The following CYTH3 variants were observed in gnomAD, a reference collection of about 807,000 sequenced individuals.
CYTH3 encodes cytohesin 3, also known as cytohesin-3.
In CYTH3, 23 loss-of-function variants were observed where a neutral mutation model predicts 55.1. That is an observed-to-expected ratio of 0.42 (90% CI 0.30 to 0.59). The LOEUF (loss-of-function observed/expected upper bound fraction) is 0.59, where lower values mean the gene tolerates loss of function less well. Among genes scored for constraint, CYTH3 ranks in the 20% least tolerant of loss-of-function variants. The pLI is 0.20. For missense variants in CYTH3, 413 were observed against 524.8 expected, an observed-to-expected ratio of 0.79 and a Z score of 2.08; for synonymous variants, 249 against 194.9, an observed-to-expected ratio of 1.28 and a Z score of -2.31.
chr7:6,176,859 G>C (rs1192614076), intron 5 of CYTH3, among the ~76,000 whole-genome samples: 6 of 152,130 alleles, frequency 3.9e-5, no homozygotes. Context: ...GTTTTTTATA[G>C]GTACCCTCCA....
chr7:6,188,011 G>T (rs1783698155), intron 2 of CYTH3, among the ~76,000 whole-genome samples: 1 of 152,058 alleles, frequency 6.6e-6, no homozygotes, highest in Admixed American at 6.5e-5. Context: ...GCACACTGGG[G>T]GGGGAATATC....
chr7:6,238,256 C>T (rs1299103165), intron 1 of CYTH3, among the ~76,000 whole-genome samples: 2 of 152,094 alleles, frequency 1.3e-5, no homozygotes, highest in Non-Finnish European at 2.9e-5. Context: ...TCTTAGTATA[C>T]ATTTAATTCA....
chr7:6,187,656 C>T lies in CYTH3; in HGVS notation c.182+1G>A. 6.2e-7 allele frequency: 1 copy of T among 1,612,022 alleles called. No homozygotes were observed. Among genetic ancestry groups the T allele is most frequent in the Non-Finnish European group, 8.5e-7 (1 of 1,178,060 alleles). ...TTAAAGGTGTAGCCACAAATTGTTA[C>T]CTCTCCTCTACGGAAGTTAGATTGT... On this transcript the variant is annotated splice_donor_variant, in intron 3 of 12. Coordinates refer to ENST00000350796, the MANE Select transcript of CYTH3 (RefSeq NM_004227.4). LOFTEE classifies it high-confidence loss of function.
chr7:6,196,675 G>A (rs1583774045), intron 1 of CYTH3, among the ~76,000 whole-genome samples: 1 of 151,938 alleles, frequency 6.6e-6, no homozygotes, highest in Non-Finnish European at 1.5e-5. Context: ...TGGCCAGGCT[G>A]GTCTCAAACT....
At chr7:6,249,877 TACTTAAAATC>T (rs1779916655) in intron 1 of CYTH3, among the ~76,000 whole-genome samples, 1 of 152,240 alleles carries the variant, frequency 6.6e-6, no homozygotes, top group East Asian at 1.9e-4. Flanking sequence ...GTAGTGAGAA[TACTTAAAATC>T]ACTCTGCAAA....
intron 1 of CYTH3, among the ~76,000 whole-genome samples, chr7:6,194,363 G>A (rs1014626222): frequency 2.6e-5 from 4 of 152,176 alleles, no homozygotes. Context: ...TGAGGTGGGA[G>A]GATCGCTTGA....
chr7:6,168,687 G>A (rs1361515727), intron 9 of CYTH3, among the ~76,000 whole-genome samples: 1 of 152,214 alleles, frequency 6.6e-6, no homozygotes, highest in African/African-American at 2.4e-5. Context: ...TGAGCACTGT[G>A]TGCACTCATT....
At chr7:6,166,944 C>T (rs905314255) in intron 9 of CYTH3, among the ~76,000 whole-genome samples, 7 of 152,152 alleles carry the variant, frequency 4.6e-5, no homozygotes, top group African/African-American at 1.7e-4. Context: ...CTGTCTAGAC[C>T]CTGGTCTGGG....
rs967664504 is a variant in CYTH3 at position 6,251,450 on chromosome 7, G to A, written c.34+21024C>T. Among the ~76,000 whole-genome samples the A allele has an allele frequency of 3.9e-5, 6 of 151,992 alleles. No individual in the cohort carries two copies. The East Asian group carries it at 9.7e-4, about 25-fold the overall frequency. Reference sequence around the variant, plus strand: ...TCAGTGGGAGGCAGAAAATCAAAACGTGTGAGAAGCATGGAGACGGAACCC... The same window carrying A: ...TCAGTGGGAGGCAGAAAATCAAAACATGTGAGAAGCATGGAGACGGAACCC... On this transcript the variant is annotated intron_variant, in intron 1 of 12. Transcript: ENST00000350796.
rs767249184 is a variant in CYTH3 at position 6,170,654 on chromosome 7, G to A, written c.712-8C>T. ...AATGCTCTCATACAAATTCTGCAAG[G>A]AGGGAAAACAGCAGCCAGTTCAGAG... On this transcript the variant is annotated splice_polypyrimidine_tract_variant and splice_region_variant and intron_variant, in intron 8 of 12. Coordinates refer to ENST00000350796, the MANE Select transcript of CYTH3 (RefSeq NM_004227.4). This position sits in a 1 kb window ranked among gnomAD's most constrained non-coding sequence, Gnocchi z 7.8. The A allele has an allele frequency of 1.4e-5, 22 of 1,612,432 alleles. No homozygotes were observed. The Admixed American group carries it at 3.0e-4, about 22-fold the overall frequency.
chr7:6,179,736 C>T (rs1783442443), intron 4 of CYTH3, among the ~76,000 whole-genome samples: 1 of 111,202 alleles, frequency 9.0e-6, no homozygotes, highest in African/African-American at 3.8e-5. Context: ...CACACACACC[C>T]ACCACACACA....
At chr7:6,257,696 G>A (rs1236856191) in intron 1 of CYTH3, among the ~76,000 whole-genome samples, 3 of 152,196 alleles carry the variant, frequency 2.0e-5, no homozygotes, top group East Asian at 1.9e-4. Context: ...ACTCTATGGC[G>A]AGGAGATCCT....
intron 1 of CYTH3, among the ~76,000 whole-genome samples, chr7:6,260,729 T>C (rs1780332820): frequency 6.6e-6 from 1 of 152,206 alleles, no homozygotes; most frequent in Admixed American, 6.5e-5. Context: ...TAGGCCTCAC[T>C]GGTTACCCTC....
intron 1 of CYTH3, among the ~76,000 whole-genome samples, chr7:6,200,651 T>C (rs867611944): frequency 6.6e-6 from 1 of 152,234 alleles, no homozygotes; most frequent in South Asian, 2.1e-4. Flanking sequence ...AGCATGGGCT[T>C]TGAGCACTAG....
At chr7:6,247,490 G>C (rs1429665270) in intron 1 of CYTH3, among the ~76,000 whole-genome samples, 2 of 151,748 alleles carry the variant, frequency 1.3e-5, no homozygotes, top group Admixed American at 6.6e-5. Flanking sequence ...ATTTGTTTTG[G>C]TATCTTCTTT....
intron 1 of CYTH3, among the ~76,000 whole-genome samples, chr7:6,211,723 C>T (rs1784323374): frequency 6.6e-6 from 1 of 152,160 alleles, no homozygotes; most frequent in Non-Finnish European, 1.5e-5. Flanking sequence ...CTTGGCTGGG[C>T]ACGGTGGCTC....
At chr7:6,240,074 G>T (rs1779633771) in intron 1 of CYTH3, among the ~76,000 whole-genome samples, 1 of 152,184 alleles carries the variant, frequency 6.6e-6, no homozygotes, top group African/African-American at 2.4e-5. Context: ...GGGAGGCCAA[G>T]GCAGGTGGAT....
At position 6,169,873 on chromosome 7, in the gene CYTH3, TC is replaced by T. The variant is rs1197857728; in HGVS notation, c.823+661del. 6.6e-6 allele frequency among the ~76,000 whole-genome samples: 1 copy of T among 151,948 alleles called. No homozygotes were observed. Among genetic ancestry groups the T allele is most frequent in the East Asian group, 1.9e-4 (1 of 5,154 alleles). On this transcript the variant is annotated intron_variant, in intron 9 of 12. Transcript: ENST00000350796. The surrounding 1 kb of genome is among the most constrained non-coding windows in gnomAD (Gnocchi z 4.1). Reference sequence around the variant, plus strand: ...GGGGCAAGTTGGTTCCCACACAGCATCCCCATGTGCTCCAGGTCCCAGCCAC... The same window carrying T: ...GGGGCAAGTTGGTTCCCACACAGCATCCCATGTGCTCCAGGTCCCAGCCAC...
intron 1 of CYTH3, among the ~76,000 whole-genome samples, chr7:6,263,908 TGCA>T (rs2115065114): frequency 6.6e-6 from 1 of 152,254 alleles, no homozygotes; most frequent in Admixed American, 6.5e-5. Flanking sequence ...TAATGCAAGC[TGCA>T]GAAGATTACA....
Sources: gnomAD v4.1 joint callset for allele counts (sites outside exome capture counted in the v4.1 genomes callset) on GRCh38, gnomAD v4.1.1 for gene constraint, Gnocchi (gnomAD v3.1) non-coding constraint, MANE v1.5 for transcripts, NCBI Gene and HGNC (gene_info 2026-07-23, HGNC 2026-07-21) for gene names.